Variants in LOC400499 observed in about 807,000 individuals in gnomAD.
the LOC400499 span, among the ~76,000 whole-genome samples, chr16:11,431,517 T>A: frequency 1.3e-5 from 2 of 151,886 alleles, no homozygotes; most frequent in African/African-American, 2.4e-5. Flanking sequence ...GCGATTCTCC[T>A]GTCTCAGCCT....
the LOC400499 span, among the ~76,000 whole-genome samples, chr16:11,520,220 A>G: frequency 5.9e-5 from 9 of 152,224 alleles, no homozygotes; most frequent in African/African-American, 2.2e-4. Context: ...TCATAGACTT[A>G]AGATGGTTGA....
At chr16:11,500,994 C>T in the LOC400499 span, 6 of 398,906 alleles carry the variant, frequency 1.5e-5, no homozygotes, top group South Asian at 2.5e-4. Flanking sequence ...GCGACCCACA[C>T]GTGCTGAGCG....
chr16:11,466,599 G>C, the LOC400499 span, among the ~76,000 whole-genome samples: 3 of 152,142 alleles, frequency 2.0e-5, no homozygotes, highest in South Asian at 6.2e-4. Flanking sequence ...ATGTTGTTCA[G>C]GCTGGTCTTG....
the LOC400499 span, among the ~76,000 whole-genome samples, chr16:11,468,878 C>T: frequency 1.7e-4 from 26 of 152,306 alleles, no homozygotes; most frequent in Admixed American, 7.8e-4. Context: ...CTGCCCGCTT[C>T]GACCTCCCAA....
chr16:11,383,563 A>AG, the LOC400499 span: 1 of 1,209,660 alleles, frequency 8.3e-7, no homozygotes, highest in Non-Finnish European at 1.0e-6. Flanking sequence ...CCCTGGTGAG[A>AG]GAAAGGGACT....
chr16:11,438,104 T>C, the LOC400499 span, among the ~76,000 whole-genome samples: 1 of 152,142 alleles, frequency 6.6e-6, no homozygotes, highest in African/African-American at 2.4e-5. Flanking sequence ...CGGTGCTCCA[T>C]GCCCCCCCAC....
At chr16:11,406,063 T>C in the LOC400499 span, among the ~76,000 whole-genome samples, 1 of 152,120 alleles carries the variant, frequency 6.6e-6, no homozygotes, top group East Asian at 1.9e-4. Flanking sequence ...GCATGTTTGT[T>C]ACATAGGTAT....
At chr16:11,383,256 A>G in the LOC400499 span, among the ~76,000 whole-genome samples, 1 of 151,874 alleles carries the variant, frequency 6.6e-6, no homozygotes, top group Admixed American at 6.6e-5. Flanking sequence ...TTTAGTAGAG[A>G]CGGGGTTTCA....
chr16:11,446,542 G>T, the LOC400499 span: 1 of 1,535,946 alleles, frequency 6.5e-7, no homozygotes, highest in Non-Finnish European at 8.7e-7. Context: ...TGGGGTCTCT[G>T]CTCTTACCGT....
At chr16:11,393,056 G>GT in the LOC400499 span, among the ~76,000 whole-genome samples, 1 of 151,894 alleles carries the variant, frequency 6.6e-6, no homozygotes, top group Non-Finnish European at 1.5e-5. Flanking sequence ...GGGTTTCACC[G>GT]TGTTAGCCAG....
the LOC400499 span, among the ~76,000 whole-genome samples, chr16:11,507,965 C>A: frequency 6.6e-6 from 1 of 152,032 alleles, no homozygotes; most frequent in Non-Finnish European, 1.5e-5. Flanking sequence ...GAATGGAAGC[C>A]CCCAAAAAGA....
chr16:11,444,695 CCTA>C, the LOC400499 span, among the ~76,000 whole-genome samples: 1 of 152,172 alleles, frequency 6.6e-6, no homozygotes, highest in Non-Finnish European at 1.5e-5. Context: ...TCATTGAGCA[CCTA>C]CTGTGTACCA....
the LOC400499 span, among the ~76,000 whole-genome samples, chr16:11,512,962 C>A: frequency 8.5e-5 from 13 of 152,132 alleles, no homozygotes; most frequent in African/African-American, 2.4e-4. Flanking sequence ...GTGCCGGGAG[C>A]CTGCCCTCCA....
chr16:11,443,570 C>G, the LOC400499 span: 4 of 316,810 alleles, frequency 1.3e-5, no homozygotes, highest in South Asian at 1.0e-4. Flanking sequence ...AAATACGATG[C>G]TCTCCCAGAG....
chr16:11,510,414 G>T, the LOC400499 span, among the ~76,000 whole-genome samples: 90,218 of 151,480 alleles, frequency 0.6, 27,867 homozygotes, highest in Admixed American at 0.66. Context: ...TCCTGTTTCC[G>T]CCCTGAATGC....
At chr16:11,419,983 T>G in the LOC400499 span, among the ~76,000 whole-genome samples, 5 of 150,888 alleles carry the variant, frequency 3.3e-5, no homozygotes, top group South Asian at 4.2e-4. Context: ...GGAACACTTT[T>G]ACACTGTTGG....
At chr16:11,510,569 C>G in the LOC400499 span, among the ~76,000 whole-genome samples, 1 of 151,696 alleles carries the variant, frequency 6.6e-6, no homozygotes, top group African/African-American at 2.4e-5. Context: ...CTCAAGCCAC[C>G]TTGACTAGGC....
the LOC400499 span, among the ~76,000 whole-genome samples, chr16:11,475,307 T>C: frequency 1.3e-5 from 2 of 152,168 alleles, no homozygotes; most frequent in African/African-American, 4.8e-5. Context: ...TCTGCACATG[T>C]ATCCCAGAAC....
chr16:11,494,730 C>G, the LOC400499 span: 4 of 399,164 alleles, frequency 1.0e-5, no homozygotes, highest in Admixed American at 1.8e-4. Context: ...AGGAAGGCGC[C>G]AGGGCTGGCC....
Sources: allele counts gnomAD v4.1 joint callset (sites outside exome capture counted in the v4.1 genomes callset), GRCh38; gene constraint gnomAD v4.1.1; transcripts MANE v1.5.